Variants in CHD1 observed in about 807,000 individuals in gnomAD.
CHD1 encodes the protein ATP-dependent chromatin remodeler CHD1.
CHD1 carries 36 observed loss-of-function variants against 224.2 expected under a neutral mutation model. The ratio of observed to expected loss-of-function variants is 0.16; its 90% CI spans 0.12 to 0.21. The LOEUF is 0.21. CHD1 is among the 10% of genes least tolerant of loss of function. The pLI is 1.00. For synonymous variants in CHD1, 668 were observed against 658.3 expected (o/e 1.01, Z -0.23); for missense variants, 1,378 against 1,994.8 (o/e 0.69, Z 5.89).
intron 12 of CHD1, 135 bp from the exon 13 acceptor site, chr5:98,894,821 T>C: frequency 2.2e-6 from 1 of 456,240 alleles, no homozygotes; most frequent in Non-Finnish European, 4.1e-6. Context: ...AAAAGAGTTT[T>C]TGTGGTTTTT....
chr5:98,912,606 GGTTGCA>G (rs1302396999), intron 2 of CHD1, among the ~76,000 whole-genome samples: 2 of 152,148 alleles, frequency 1.3e-5, no homozygotes, highest in African/African-American at 4.8e-5. Context: ...AGGAGGCAGA[GGTTGCA>G]GTGAGCCAAG....
chr5:98,901,577 A>G (rs564490155), intron 5 of CHD1, among the ~76,000 whole-genome samples: 42 of 152,272 alleles, frequency 2.8e-4, no homozygotes, highest in Middle Eastern at 3.4e-3. Flanking sequence ...CAAATAAATG[A>G]TATTTTAATT....
intron 28 of CHD1, 150 bp from the exon 29 acceptor site, chr5:98,870,953 T>G (rs1580377843): frequency 2.3e-6 from 1 of 438,820 alleles, no homozygotes; most frequent in Admixed American, 4.2e-5. Flanking sequence ...ATGCAAAATG[T>G]ATTTTTTATA....
chr5:98,911,145 AAATATATATATATATAT>A (rs1477147133), intron 2 of CHD1, among the ~76,000 whole-genome samples: 10 of 95,414 alleles, frequency 1.0e-4, no homozygotes, highest in East Asian at 5.4e-4. Flanking sequence ...AAAAAAAAAA[AAATATATATATATATAT>A]ATATATATAT....
At chr5:98,910,395 T>G (rs1752314537) in intron 2 of CHD1, among the ~76,000 whole-genome samples, 1 of 152,148 alleles carries the variant, frequency 6.6e-6, no homozygotes, top group Admixed American at 6.5e-5. Context: ...TAAAGTCAGG[T>G]AAAATAATTT....
intron 2 of CHD1, among the ~76,000 whole-genome samples, chr5:98,912,586 A>G (rs561735467): frequency 6.6e-6 from 1 of 152,246 alleles, no homozygotes; most frequent in Admixed American, 6.5e-5. Flanking sequence ...CACGGGAATC[A>G]CTAGAACCCA....
At chr5:98,909,580 C>G (rs1462579629) in intron 2 of CHD1, among the ~76,000 whole-genome samples, 2 of 152,190 alleles carry the variant, frequency 1.3e-5, no homozygotes, top group South Asian at 4.1e-4. Context: ...ATGGTGACAT[C>G]ATTCATCAGT....
At chr5:98,892,044 A>G (rs536343123) in intron 15 of CHD1, among the ~76,000 whole-genome samples, 2 of 152,234 alleles carry the variant, frequency 1.3e-5, no homozygotes, top group Non-Finnish European at 2.9e-5. Context: ...TTAAATGTTT[A>G]AACAGATATT....
At chr5:98,861,358 T>C (rs1216227843) in intron 32 of CHD1, among the ~76,000 whole-genome samples, 1 of 152,214 alleles carries the variant, frequency 6.6e-6, no homozygotes, top group Admixed American at 6.5e-5. Flanking sequence ...CATCACTTTA[T>C]TACAGTCATC....
At chr5:98,876,602 T>C (rs1749780666) in intron 23 of CHD1, 44 bp from the exon 24 acceptor site, 1 of 1,545,270 alleles carries the variant, frequency 6.5e-7, no homozygotes, top group East Asian at 2.3e-5. Context: ...TAAAAACAGC[T>C]TGTATCTTAA....
chr5:98,922,745 T>C (rs535609293), intron 2 of CHD1, among the ~76,000 whole-genome samples: 132 of 152,284 alleles, frequency 8.7e-4, no homozygotes, highest in African/African-American at 3.0e-3. Flanking sequence ...CCCCAGTGCT[T>C]TGGGAGGCCA....
chr5:98,922,586 T>A (rs1753174347), intron 2 of CHD1, among the ~76,000 whole-genome samples: 1 of 152,182 alleles, frequency 6.6e-6, no homozygotes, highest in South Asian at 2.1e-4. Flanking sequence ...AAGGAAATTT[T>A]GAAGCAAAAA....
chr5:98,869,280 G>A (rs542766741), intron 30 of CHD1: 16 of 986,100 alleles, frequency 1.6e-5, no homozygotes, highest in Non-Finnish European at 1.9e-5. Flanking sequence ...ATCTCATCCT[G>A]GAAAGTGCAA....
In CHD1 at chr5:98,918,136, C is replaced by T. The variant is rs180968878; in HGVS notation, c.53+8198G>A. Among the ~76,000 whole-genome samples the T allele has an allele frequency of 4.0e-5, 6 of 151,556 alleles. No homozygotes were observed. The East Asian group carries it at 1.2e-3, about 30-fold the overall frequency. On this transcript the variant is annotated intron_variant, in intron 2 of 35. Transcript: ENST00000614616. Reference sequence around the variant, plus strand: ...GCCGTGGCACGATCTCGGCTCACTGCAAGCTCTGCCTCCTGGGTTCATGCC... The same window carrying T: ...GCCGTGGCACGATCTCGGCTCACTGTAAGCTCTGCCTCCTGGGTTCATGCC...
intron 8 of CHD1, 112 bp downstream of exon 8, chr5:98,899,368 G>T: frequency 1.4e-6 from 1 of 715,420 alleles, no homozygotes; most frequent in Non-Finnish European, 2.3e-6. Flanking sequence ...GTATTATAAA[G>T]TCTATAGCTA....
chr5:98,923,948 T>C (rs1753277343), intron 2 of CHD1, among the ~76,000 whole-genome samples: 1 of 152,186 alleles, frequency 6.6e-6, no homozygotes, highest in Non-Finnish European at 1.5e-5. Context: ...AACCATTCCA[T>C]TCCAACTATG....
At chr5:98,859,066 AC>A (rs1728153394) in intron 33 of CHD1, 51 bp from the exon 34 acceptor site, 1 of 1,348,140 alleles carries the variant, frequency 7.4e-7, no homozygotes, top group Non-Finnish European at 1.0e-6. Context: ...TCACAAACTT[AC>A]AAAAAAGCAC....
rs1369018111 is a variant in CHD1, at chr5:98,892,665, T to C, written c.2040A>G (p.Glu680=). 1 of 1,611,984 alleles carries C rather than the reference T, an allele frequency of 6.2e-7. No individual in the cohort carries two copies. Among genetic ancestry groups the C allele is most frequent in the Non-Finnish European group, 8.5e-7 (1 of 1,178,660 alleles). The change falls in exon 15 of 36, where the codon GAA becomes GAG. Residue 680 remains glutamate, a synonymous_variant. Coordinates refer to ENST00000614616, the MANE Select transcript of CHD1 (RefSeq NM_001270.4). ...DFEEEHGKGR[E]YGYASLHKEL... is the part of the protein sequence containing the mutation. ...CCTTGTGAAGGCTTGCATAACCATA[T>C]TCTCTCCCTTTGCCATGTTCTTCTT...
intron 28 of CHD1, among the ~76,000 whole-genome samples, chr5:98,871,564 G>GC (rs1331468620): frequency 6.6e-6 from 1 of 151,880 alleles, no homozygotes; most frequent in Non-Finnish European, 1.5e-5. Flanking sequence ...AAGACCTAGT[G>GC]TTTGATAGGT....
Sources: allele counts gnomAD v4.1 joint callset (sites outside exome capture counted in the v4.1 genomes callset), GRCh38; gene constraint gnomAD v4.1.1; transcripts MANE v1.5; gene names NCBI Gene and HGNC (gene_info 2026-07-23, HGNC 2026-07-21).